The following NCOA6 variants were observed in gnomAD, a reference collection of about 807,000 sequenced individuals.
NCOA6 encodes the protein nuclear receptor coactivator 6, also known as NRC RAP250.
A neutral mutation model predicts 171.4 loss-of-function variants in NCOA6; 49 were observed. The ratio of observed to expected loss-of-function variants is 0.29; its 90% CI spans 0.23 to 0.36. The LOEUF (loss-of-function observed/expected upper bound fraction) is 0.36. Ranked by LOEUF, NCOA6 falls within the 10% of genes least tolerant of loss-of-function variation. The pLI is 1.00. For missense variants in NCOA6, 2,248 were observed against 2,554.5 expected (o/e 0.88, Z 2.59); for synonymous variants, 910 against 927.5 (o/e 0.98, Z 0.34).
intron 2 of NCOA6, among the ~76,000 whole-genome samples, chr20:34,788,315 C>T (rs1485719062): frequency 2.0e-5 from 3 of 152,158 alleles, no homozygotes; most frequent in Non-Finnish European, 4.4e-5. Flanking sequence ...CCACCCGCCT[C>T]GGCCTCCCAA....
chr20:34,725,973 G>A (rs1989913973), intron 14 of NCOA6, among the ~76,000 whole-genome samples: 1 of 152,140 alleles, frequency 6.6e-6, no homozygotes, highest in Non-Finnish European at 1.5e-5. Flanking sequence ...AGATCCATTA[G>A]GGAGAAAATA....
chr20:34,752,914 CAAAA>C (rs71196760), intron 8 of NCOA6, among the ~76,000 whole-genome samples: 1 of 119,058 alleles, frequency 8.4e-6, no homozygotes, highest in Non-Finnish European at 1.8e-5. Flanking sequence ...AACTCCATCT[CAAAA>C]AAAAAAAAAA....
intron 12 of NCOA6, chr20:34,732,895 A>G (rs1031173188): frequency 4.3e-5 from 10 of 234,122 alleles, no homozygotes; most frequent in South Asian, 3.2e-4. Flanking sequence ...GGTTAGCAAA[A>G]TAAGTCTCTT....
At chr20:34,727,740 T>C (rs564946482) in intron 13 of NCOA6, among the ~76,000 whole-genome samples, 159 of 151,034 alleles carry the variant, frequency 1.1e-3, no homozygotes, top group African/African-American at 3.7e-3. Context: ...TTTTTTTTTT[T>C]CCAGACAGAG....
intron 1 of NCOA6, among the ~76,000 whole-genome samples, chr20:34,809,085 T>C (rs1263600578): frequency 6.6e-6 from 1 of 152,178 alleles, no homozygotes; most frequent in Non-Finnish European, 1.5e-5. Context: ...TAAATGCTTA[T>C]TTTGCTTTTT....
intron 9 of NCOA6, among the ~76,000 whole-genome samples, chr20:34,749,081 T>C (rs1436089765): frequency 6.6e-6 from 1 of 152,226 alleles, no homozygotes; most frequent in Non-Finnish European, 1.5e-5. Context: ...TCAGGGAAGT[T>C]TGAACACTGG....
At chr20:34,805,184 G>A (rs750502000) in intron 1 of NCOA6, among the ~76,000 whole-genome samples, 6 of 151,764 alleles carry the variant, frequency 4.0e-5, no homozygotes, top group African/African-American at 7.3e-5. Flanking sequence ...ATTTTCAGGC[G>A]CGCACTACCA....
At chr20:34,732,260 C>T (rs2075808519) in intron 13 of NCOA6, among the ~76,000 whole-genome samples, 1 of 152,164 alleles carries the variant, frequency 6.6e-6, no homozygotes. Context: ...TCAATGGTAA[C>T]AACAGCTCCC....
chr20:34,745,329 C>G (rs2076271835), intron 10 of NCOA6, among the ~76,000 whole-genome samples: 1 of 152,144 alleles, frequency 6.6e-6, no homozygotes, highest in African/African-American at 2.4e-5. Context: ...CCCCAGTTTG[C>G]AGAAAGAAGG....
chr20:34,742,599 G>C lies in NCOA6; in HGVS notation c.3657C>G (p.Pro1219=). The C allele has an allele frequency of 6.2e-7, 1 of 1,614,186 alleles. No homozygotes were observed. The highest frequency in any genetic ancestry group is 2.2e-5 in the East Asian group (1 of 44,890). The part of the protein sequence containing the change: ...PKTPNRASPR[P]YYPQTPNNRP... The stretch of plus-strand genomic sequence containing the variant: ...GGTTGTTGGGTGTCTGAGGATAATA[G>C]GGTCTGGGGCTGGCTCTGTTTGGTG... Residue 1219 remains proline (P), a synonymous_variant, in exon 11 of 15, where the codon CCC becomes CCG. Coordinates refer to ENST00000359003, the MANE Select transcript of NCOA6 (RefSeq NM_014071.5).
chr20:34,733,922 T>G (rs1433923950), intron 12 of NCOA6, among the ~76,000 whole-genome samples: 1 of 151,458 alleles, frequency 6.6e-6, no homozygotes, highest in African/African-American at 2.4e-5. Context: ...CCTCCTGTAT[T>G]TGTACCCACA....
At chr20:34,755,993 T>C (rs1717459012) in intron 7 of NCOA6, among the ~76,000 whole-genome samples, 1 of 152,200 alleles carries the variant, frequency 6.6e-6, no homozygotes, top group Non-Finnish European at 1.5e-5. Flanking sequence ...CGCCTTGGCC[T>C]CCCAAAGTGC....
In NCOA6 at chr20:34,782,389, G is replaced by A; in HGVS notation, c.-34C>T. 1 of 1,369,874 alleles carries A rather than the reference G, an allele frequency of 7.3e-7. No individual in the cohort carries two copies. Among genetic ancestry groups the A allele is most frequent in the African/African-American group, 1.5e-5 (1 of 68,858 alleles). The allele number at this position is 1,369,874 out of a possible 1,614,324, so 84.9% of individuals were successfully genotyped here. A position where few individuals can be genotyped will look rare whatever the true frequency, so the allele number is the denominator to read the frequency against. On this transcript the variant is annotated 5_prime_UTR_variant, in exon 3 of 15. Coordinates refer to ENST00000359003, the MANE Select transcript of NCOA6 (RefSeq NM_014071.5). ...TTATTCCAGAAGCATATGCCAAGAG[G>A]ACAATAAGAAAACTTCTGAAAAGAG...
At chr20:34,767,191 G>A (rs2077005488) in intron 5 of NCOA6, among the ~76,000 whole-genome samples, 1 of 152,212 alleles carries the variant, frequency 6.6e-6, no homozygotes, top group South Asian at 2.1e-4. Flanking sequence ...AGTATTGCTT[G>A]GGGAAGTACA....
intron 1 of NCOA6, among the ~76,000 whole-genome samples, chr20:34,795,604 A>G (rs946289898): frequency 9.9e-5 from 15 of 152,076 alleles, no homozygotes; most frequent in Admixed American, 5.3e-4. Flanking sequence ...ATCTTGGGGG[A>G]AAAAATAGGG....
Position 34,794,380 on chromosome 20 carries a change from A to G in NCOA6, c.-163-1817T>C, listed in dbSNP as rs117699232. 1.3e-3 allele frequency among the ~76,000 whole-genome samples: 205 copies of G among 152,338 alleles called. 2 individuals carry two copies. In the East Asian group the frequency reaches 0.026, roughly 19 times the overall value. On this transcript the variant is annotated intron_variant, in intron 1 of 14. Coordinates refer to ENST00000359003, the MANE Select transcript of NCOA6 (RefSeq NM_014071.5). The stretch of plus-strand genomic sequence containing the variant: ...ATCCTACAGATACACTTATCATCAT[A>G]TAAGATGACGTATGTATAGTGTTAT...
chr20:34,725,924 T>C (rs747572054), intron 14 of NCOA6, among the ~76,000 whole-genome samples: 21 of 152,126 alleles, frequency 1.4e-4, no homozygotes, highest in Non-Finnish European at 2.9e-4. Context: ...TTACAAGTCA[T>C]CTGTGAAAGG....
rs145011419 is a variant in NCOA6 at position 34,776,405 on chromosome 20, G to A, written c.279C>T (p.Ser93=). Residue 93 remains serine, a synonymous_variant, in exon 4 of 15, where the codon AGC becomes AGT. Transcript: ENST00000359003. ...LKVQKVEPWN[S]VRVTFNIPRE... is the part of the protein sequence containing the mutation. ...GGGGGATGTTGAATGTCACACGCAC[G>A]CTGTTCCAGGGCTCCACCTTCTGTA... The A allele has an allele frequency of 4.3e-6, 7 of 1,614,028 alleles. No individual in the cohort carries two copies. Among genetic ancestry groups the A allele is most frequent in the East Asian group, 2.2e-5 (1 of 44,902 alleles).
chr20:34,803,208 C>T (rs541772460), intron 1 of NCOA6, among the ~76,000 whole-genome samples: 4 of 152,208 alleles, frequency 2.6e-5, no homozygotes, highest in African/African-American at 9.6e-5. Flanking sequence ...TGGCTCACAC[C>T]TGTAATCTCA....
Sources: gnomAD v4.1 joint callset for allele counts (sites outside exome capture counted in the v4.1 genomes callset) on GRCh38, gnomAD v4.1.1 for gene constraint, MANE v1.5 for transcripts, NCBI Gene and HGNC (gene_info 2026-07-23, HGNC 2026-07-21) for gene names.